CNTN4: variants seen among roughly 807,000 people sequenced by gnomAD.
CNTN4 encodes the protein contactin 4.
CNTN4 carries 77 observed loss-of-function variants against 122.5 expected under a neutral mutation model. The ratio of observed to expected loss-of-function variants is 0.63; its 90% CI spans 0.52 to 0.76. The LOEUF (loss-of-function observed/expected upper bound fraction) is 0.76. Among genes scored for constraint, CNTN4 ranks in the 30% least tolerant of loss-of-function variants. The pLI is 0.00. For synonymous variants in CNTN4, 512 were observed against 447.0 expected (o/e 1.15, Z -1.83); for missense variants, 1,256 against 1,259.1 (o/e 1.00, Z 0.04).
chr3:2,817,193 T>C (rs567790082), intron 6 of CNTN4, among the ~76,000 whole-genome samples: 84 of 152,350 alleles, frequency 5.5e-4, no homozygotes, highest in Non-Finnish European at 1.2e-3. Flanking sequence ...TGGGATATGC[T>C]TTGGCACTAA....
At chr3:3,000,397 G>A (rs964168180) in intron 14 of CNTN4, among the ~76,000 whole-genome samples, 3 of 151,992 alleles carry the variant, frequency 2.0e-5, no homozygotes, top group Admixed American at 1.3e-4. Flanking sequence ...ATAGAGGGTG[G>A]GAGGGGAGGG....
intron 13 of CNTN4, among the ~76,000 whole-genome samples, chr3:2,930,069 T>C (rs2151412438): frequency 6.6e-6 from 1 of 152,312 alleles, no homozygotes; most frequent in African/African-American, 2.4e-5. Context: ...TTTCACTTTG[T>C]GGAATTTTAC....
chr3:2,645,432 A>G (rs927565906), intron 4 of CNTN4, among the ~76,000 whole-genome samples: 1 of 152,206 alleles, frequency 6.6e-6, no homozygotes, highest in Non-Finnish European at 1.5e-5. Flanking sequence ...AAGACAATCA[A>G]TTTACATAGA....
chr3:2,491,799 G>A (rs1164204851), intron 3 of CNTN4, among the ~76,000 whole-genome samples: 3 of 152,046 alleles, frequency 2.0e-5, no homozygotes, highest in Non-Finnish European at 2.9e-5. Flanking sequence ...ACTAGAAATC[G>A]ACATTTTCTC....
At chr3:2,195,443 T>A (rs1254013952) in intron 2 of CNTN4, among the ~76,000 whole-genome samples, 1 of 152,194 alleles carries the variant, frequency 6.6e-6, no homozygotes, top group Admixed American at 6.5e-5. Context: ...TAACCAGCGG[T>A]GGTATATATT....
rs376695163 is a variant in CNTN4 at position 2,969,868 on chromosome 3, G to A, written c.1359-18477G>A. ...CATGGGAGCATGATGGTCAGAGAGC[G>A]GCTGGATGTGTGTCAGAACTCAAAA... On this transcript the variant is annotated intron_variant, in intron 13 of 24. Coordinates refer to ENST00000418658, the MANE Select transcript of CNTN4 (RefSeq NM_175607.3). Among the ~76,000 whole-genome samples the A allele has an allele frequency of 2.1e-4, 32 of 152,224 alleles. No homozygotes were observed. The East Asian group carries it at 2.7e-3, about 13-fold the overall frequency.
intron 2 of CNTN4, among the ~76,000 whole-genome samples, chr3:2,258,982 C>G (rs1044961348): frequency 3.3e-5 from 5 of 151,990 alleles, no homozygotes; most frequent in Non-Finnish European, 7.4e-5. Context: ...TTTCTTATAA[C>G]CTTATAAGGC....
intron 14 of CNTN4, among the ~76,000 whole-genome samples, chr3:3,024,619 C>G (rs1698578433): frequency 6.6e-6 from 1 of 151,998 alleles, no homozygotes; most frequent in Non-Finnish European, 1.5e-5. Context: ...TGATCTTTTC[C>G]TATTTTTAGA....
At chr3:2,290,048 A>G (rs1243509301) in intron 2 of CNTN4, among the ~76,000 whole-genome samples, 1 of 152,176 alleles carries the variant, frequency 6.6e-6, no homozygotes, top group Non-Finnish European at 1.5e-5. Flanking sequence ...TTAGATTTTG[A>G]AACTTTTCTA....
chr3:2,113,298 C>T (rs78598850), intron 2 of CNTN4, among the ~76,000 whole-genome samples: 57 of 152,234 alleles, frequency 3.7e-4, no homozygotes, highest in African/African-American at 1.3e-3. Context: ...TAAAAGCATG[C>T]ATTCTAGTTG....
chr3:2,563,195 A>G (rs1449018998), intron 3 of CNTN4, among the ~76,000 whole-genome samples: 1 of 152,200 alleles, frequency 6.6e-6, no homozygotes, highest in African/African-American at 2.4e-5. Flanking sequence ...TTTGGGAGTG[A>G]TAGAAATATT....
In CNTN4 at chr3:2,729,291, G is replaced by A. The variant is rs574034302; in HGVS notation, c.56-6924G>A. Reference sequence around the variant, plus strand: ...TGTTTAGAAATGAAAGTGGCCGGGCGCGGTGGCTCACGCCTGTAATCCTAG... The same window carrying A: ...TGTTTAGAAATGAAAGTGGCCGGGCACGGTGGCTCACGCCTGTAATCCTAG... On this transcript the variant is annotated intron_variant, in intron 4 of 24. Coordinates refer to ENST00000418658, the MANE Select transcript of CNTN4 (RefSeq NM_175607.3). Among the ~76,000 whole-genome samples, 232 of 152,230 alleles carry A rather than the reference G, an allele frequency of 1.5e-3. 1 individual carries two copies. Among genetic ancestry groups the A allele is most frequent in the African/African-American group, 4.6e-3 (190 of 41,526 alleles).
intron 13 of CNTN4, among the ~76,000 whole-genome samples, chr3:2,938,392 A>G (rs2094584526): frequency 6.6e-6 from 1 of 152,078 alleles, no homozygotes; most frequent in African/African-American, 2.4e-5. Context: ...CCTCGTAAAA[A>G]TGTTATGGGA....
intron 4 of CNTN4, among the ~76,000 whole-genome samples, chr3:2,730,422 G>GT (rs2149455086): frequency 6.6e-6 from 1 of 152,116 alleles, no homozygotes; most frequent in Admixed American, 6.5e-5. Context: ...CAGCCGGGAG[G>GT]TTTCTTGACA....
intron 4 of CNTN4, among the ~76,000 whole-genome samples, chr3:2,641,015 T>A (rs992430700): frequency 6.6e-6 from 1 of 152,202 alleles, no homozygotes; most frequent in African/African-American, 2.4e-5. Flanking sequence ...AGATTTTCCT[T>A]GATTTCTCAA....
At chr3:3,009,079 G>T in intron 14 of CNTN4, 2 of 969,238 alleles carry the variant, frequency 2.1e-6, no homozygotes, top group Non-Finnish European at 2.5e-6. Context: ...CACCTCCGGA[G>T]CCACAATTAG....
At chr3:2,690,200 C>T (rs1050610322) in intron 4 of CNTN4, among the ~76,000 whole-genome samples, 5 of 152,062 alleles carry the variant, frequency 3.3e-5, no homozygotes, top group Non-Finnish European at 5.9e-5. Context: ...GGATATTTTG[C>T]TACAAGTAAC....
chr3:2,459,062 C>T, intron 3 of CNTN4, among the ~76,000 whole-genome samples: 1 of 152,262 alleles, frequency 6.6e-6, no homozygotes, highest in Admixed American at 6.5e-5. Context: ...TATTCCAAAT[C>T]TGATAAAAGG....
At position 2,870,850 on chromosome 3, in the gene CNTN4, TC is replaced by T. The variant is rs1244039137; in HGVS notation, c.652+3902del. Among the ~76,000 whole-genome samples the T allele has an allele frequency of 7.2e-5, 11 of 152,292 alleles. No homozygotes were observed. In the East Asian group the frequency reaches 1.9e-3, roughly 27 times the overall value. On this transcript the variant is annotated intron_variant, in intron 8 of 24. Coordinates refer to ENST00000418658, the MANE Select transcript of CNTN4 (RefSeq NM_175607.3). ...CAGCTAAGCAGTCTGGACTATGATTTCTTATTTGTACCCAAAAGGCCACAGT... is the reference window on the plus strand; with the variant it reads ...CAGCTAAGCAGTCTGGACTATGATTTTTATTTGTACCCAAAAGGCCACAGT...
Sources: allele counts gnomAD v4.1 joint callset (sites outside exome capture counted in the v4.1 genomes callset), GRCh38; gene constraint gnomAD v4.1.1; transcripts MANE v1.5; gene names NCBI Gene and HGNC (gene_info 2026-07-23, HGNC 2026-07-21).